Variants in RHCE observed in about 807,000 individuals in gnomAD.
The protein encoded by RHCE is Rh blood group CcEe antigens, also known as blood group Rh(CE) polypeptide.
In RHCE, 22 loss-of-function variants were observed where a neutral mutation model predicts 43.8. That is an observed-to-expected ratio of 0.50 (90% CI 0.36 to 0.72). The LOEUF (loss-of-function observed/expected upper bound fraction) is 0.72, where lower values mean the gene tolerates loss of function less well. RHCE is among the 30% of genes least tolerant of loss of function. The pLI is 0.00. For synonymous variants in RHCE, 156 were observed against 210.7 expected (o/e 0.74, Z 2.25); for missense variants, 385 against 525.4 (o/e 0.73, Z 2.61).
intron 3 of RHCE, among the ~76,000 whole-genome samples, chr1:25,394,012 C>T (rs778419711): frequency 3.3e-5 from 5 of 152,120 alleles, no homozygotes; most frequent in South Asian, 2.1e-4. Context: ...ATTTTTGAGA[C>T]GGAGTCTCGC....
chr1:25,385,914 AC>A, intron 6 of RHCE, 70 bp from the exon 7 acceptor site: 1 of 1,611,710 alleles, frequency 6.2e-7, no homozygotes, highest in Non-Finnish European at 8.5e-7. Context: ...CCTTTCACAC[AC>A]CCTTGGTATC....
chr1:25,427,614 G>C (rs1331884227), intron 2 of RHCE, among the ~76,000 whole-genome samples: 1 of 152,226 alleles, frequency 6.6e-6, no homozygotes, highest in Non-Finnish European at 1.5e-5. Context: ...AGTGAAAGAG[G>C]AAGAGTATGG....
chr1:25,370,415 T>C, intron 9 of RHCE, 52 bp downstream of exon 9: 1 of 1,488,240 alleles, frequency 6.7e-7, no homozygotes. Flanking sequence ...CCAGGTATGT[T>C]TTTAAGTTCA....
rs563078204 is a variant in RHCE at position 25,381,748 on chromosome 1, G to A, written c.1073+3963C>T. 5.3e-5 allele frequency among the ~76,000 whole-genome samples: 8 copies of A among 149,710 alleles called. No homozygotes were observed. The South Asian group carries it at 1.2e-3, about 23-fold the overall frequency. Reference sequence around the variant, plus strand: ...GCTGGGATTATAAGTCTGAGCCACCGTGCCTGGCCTAATGCTCCATTCTTG... The same window carrying A: ...GCTGGGATTATAAGTCTGAGCCACCATGCCTGGCCTAATGCTCCATTCTTG... On this transcript the variant is annotated intron_variant, in intron 7 of 9. Transcript: ENST00000294413.
chr1:25,390,442 T>C (rs1464285881), intron 5 of RHCE, among the ~76,000 whole-genome samples: 1 of 152,200 alleles, frequency 6.6e-6, no homozygotes, highest in Non-Finnish European at 1.5e-5. Flanking sequence ...CTGCTGACTC[T>C]CGCTCATGGT....
intron 3 of RHCE, among the ~76,000 whole-genome samples, chr1:25,396,869 T>C (rs951023198): frequency 2.6e-5 from 4 of 151,526 alleles, no homozygotes; most frequent in African/African-American, 9.7e-5. Context: ...ATCTCAGCAA[T>C]TTGGGAGGCT....
At chr1:25,425,191 G>A (rs867150320), upstream of RHCE, among the ~76,000 whole-genome samples, 2 of 152,194 alleles carry the variant, frequency 1.3e-5, no homozygotes, top group Non-Finnish European at 2.9e-5. Context: ...GACTGCTGTG[G>A]TTGCTGTTGT....
intron 1 of RHCE, chr1:25,411,200 G>C: frequency 9.9e-7 from 1 of 1,005,446 alleles, no homozygotes; most frequent in Admixed American, 3.1e-5. Context: ...ACAGAATAAG[G>C]GTAATTAGAG....
intron 7 of RHCE, among the ~76,000 whole-genome samples, chr1:25,381,090 A>C (rs1224347903): frequency 6.6e-6 from 1 of 151,898 alleles, no homozygotes; most frequent in Admixed American, 6.6e-5. Context: ...TAGTTTTCTT[A>C]TCAATCGGTA....
chr1:25,390,498 G>C (rs1442509655), intron 5 of RHCE, among the ~76,000 whole-genome samples: 2 of 152,208 alleles, frequency 1.3e-5, no homozygotes, highest in African/African-American at 4.8e-5. Flanking sequence ...ACTCAGGTCT[G>C]TTTCATGTTA....
intron 3 of RHCE, among the ~76,000 whole-genome samples, chr1:25,401,889 T>TA: frequency 6.6e-6 from 1 of 152,024 alleles, no homozygotes; most frequent in Non-Finnish European, 1.5e-5. Context: ...CTTTTTTTTT[T>TA]ATTGGAGATG....
At chr1:25,415,615 G>A (rs1409898388) in intron 1 of RHCE, among the ~76,000 whole-genome samples, 1 of 151,866 alleles carries the variant, frequency 6.6e-6, no homozygotes, top group Non-Finnish European at 1.5e-5. Context: ...TCGCACCACT[G>A]CACTCCCCTG....
chr1:25,380,748 G>A (rs1448233228), intron 7 of RHCE, among the ~76,000 whole-genome samples: 1 of 152,012 alleles, frequency 6.6e-6, no homozygotes, highest in Admixed American at 6.6e-5. Context: ...GGCAGCAGCT[G>A]GTCATTCCAA....
intron 7 of RHCE, among the ~76,000 whole-genome samples, chr1:25,383,473 G>A (rs1186919428): frequency 6.6e-6 from 1 of 152,146 alleles, no homozygotes; most frequent in Non-Finnish European, 1.5e-5. Context: ...ACGGGGCTAT[G>A]TTCTATTGCT....
intron 3 of RHCE, among the ~76,000 whole-genome samples, chr1:25,397,493 A>G (rs1646586934): frequency 6.7e-6 from 1 of 149,754 alleles, no homozygotes; most frequent in Admixed American, 6.7e-5. Context: ...GCGAAACTCC[A>G]TCTGAAAAAA....
intron 7 of RHCE, among the ~76,000 whole-genome samples, chr1:25,378,285 G>A (rs1170875440): frequency 2.0e-5 from 3 of 152,202 alleles, no homozygotes; most frequent in Admixed American, 1.3e-4. Context: ...TGTGAATACT[G>A]TATAACTCAA....
Position 25,390,825 on chromosome 1 carries a change from T to C in RHCE, c.725A>G (p.Tyr242Cys), listed in dbSNP as rs758872664. 6.2e-7 allele frequency: 1 copy of C among 1,614,174 alleles called. No individual in the cohort carries two copies. Among genetic ancestry groups the C allele is most frequent in the Non-Finnish European group, 8.5e-7 (1 of 1,180,028 alleles). ...IQRKNAMFNT[Y>C]YALAVSVVTA... ...CACCACACTGACTGCTAGAGCATAGTAGGTGTTGAACATGGCATTCTTCCT... is the reference window on the plus strand; with the variant it reads ...CACCACACTGACTGCTAGAGCATAGCAGGTGTTGAACATGGCATTCTTCCT... Residue 242 changes from tyrosine (Y) to cysteine (C), a missense_variant, in exon 5 of 10, where the codon TAC (tyrosine) becomes TGC (cysteine). Around this residue, in one of 6 missense-constraint regions of RHCE, gnomAD observed 56 missense variants for 90.0 expected, o/e 0.62. Coordinates refer to ENST00000294413, the MANE Select transcript of RHCE (RefSeq NM_020485.8).
intron 3 of RHCE, among the ~76,000 whole-genome samples, chr1:25,401,181 C>CT (rs1254223672): frequency 2.0e-5 from 3 of 152,028 alleles, no homozygotes; most frequent in South Asian, 4.2e-4. Context: ...GGGCTTCATG[C>CT]TTTTTTTTGT....
intron 4 of RHCE, 116 bp from the exon 5 acceptor site, chr1:25,391,031 G>A: frequency 7.1e-7 from 1 of 1,415,160 alleles, no homozygotes. Flanking sequence ...GTCACTTAGA[G>A]TTAGATGGGG....
Sources: gnomAD v4.1 joint callset for allele counts (sites outside exome capture counted in the v4.1 genomes callset) on GRCh38, gnomAD v4.1.1 for gene constraint, gnomAD v4.1.1 regional missense constraint, MANE v1.5 for transcripts, NCBI Gene and HGNC (gene_info 2026-07-23, HGNC 2026-07-21) for gene names.